GRIA1: variants seen among roughly 807,000 people sequenced by gnomAD.
GRIA1 encodes the protein glutamate receptor 1.
In GRIA1, 31 loss-of-function variants were observed where a neutral mutation model predicts 99.2. The observed-to-expected ratio is 0.31, with a 90% CI of 0.23 to 0.42. The LOEUF is 0.42. GRIA1 is among the 10% of genes least tolerant of loss of function. The pLI, the probability that GRIA1 is intolerant of heterozygous loss-of-function variation, is 1.00. For synonymous variants in GRIA1, 438 were observed against 432.4 expected (o/e 1.01, Z -0.16); for missense variants, 782 against 1,157.5 (o/e 0.68, Z 4.71).
At chr5:153,492,769 AG>A (rs758618332) in intron 1 of GRIA1, among the ~76,000 whole-genome samples, 1 of 150,640 alleles carries the variant, frequency 6.6e-6, no homozygotes, top group Non-Finnish European at 1.5e-5. Flanking sequence ...CAACTGATAA[AG>A]CCATTGCTAC....
chr5:153,751,389 T>C (rs2149589771), intron 11 of GRIA1, among the ~76,000 whole-genome samples: 1 of 152,348 alleles, frequency 6.6e-6, no homozygotes, highest in South Asian at 2.1e-4. Context: ...AGATCAAAGG[T>C]CTCTGATATT....
chr5:153,667,764 G>A (rs900443112), intron 5 of GRIA1, among the ~76,000 whole-genome samples: 1 of 152,088 alleles, frequency 6.6e-6, no homozygotes, highest in Non-Finnish European at 1.5e-5. Context: ...CATAATGATG[G>A]CCCAGAGCCT....
chr5:153,556,421 C>G (rs1430000322), intron 2 of GRIA1, among the ~76,000 whole-genome samples: 2 of 152,266 alleles, frequency 1.3e-5, no homozygotes, highest in East Asian at 3.9e-4. Context: ...TTCCCTGAAG[C>G]CTTTATAATC....
At chr5:153,759,560 TA>T (rs928805627) in intron 11 of GRIA1, among the ~76,000 whole-genome samples, 5 of 151,880 alleles carry the variant, frequency 3.3e-5, no homozygotes. Flanking sequence ...GAATCAGTAA[TA>T]AAAAGTCTCC....
At chr5:153,796,013 C>CTT (rs11426974) in intron 14 of GRIA1, among the ~76,000 whole-genome samples, 1,963 of 130,150 alleles carry the variant, frequency 0.015, 42 homozygotes, top group African/African-American at 0.045. Flanking sequence ...TTTTTTTTAA[C>CTT]TTTTTTTTTT....
chr5:153,654,872 C>T (rs1471599456), intron 4 of GRIA1, among the ~76,000 whole-genome samples: 1 of 152,154 alleles, frequency 6.6e-6, no homozygotes, highest in South Asian at 2.1e-4. Flanking sequence ...TGAGCTAGAT[C>T]TAAAACCAAG....
In GRIA1 at chr5:153,794,752, A is replaced by G. The variant is rs1362592304; in HGVS notation, c.2385+17A>G. 1 of 1,496,444 alleles carries G rather than the reference A, an allele frequency of 6.7e-7. No individual in the cohort carries two copies. The highest frequency in any genetic ancestry group is 2.3e-5 in the East Asian group (1 of 44,156). The allele number at this position is 1,496,444 out of a possible 1,614,324, so 92.7% of individuals were successfully genotyped here. A position where few individuals can be genotyped will look rare whatever the true frequency, so the allele number is the denominator to read the frequency against. On this transcript the variant is annotated intron_variant, in intron 14 of 15. Transcript: ENST00000285900. ...GATTCCAAGGTCAGCCCCAGTAAGA[A>G]AAAAAAAAACCTAGTGGGTATGAAA...
chr5:153,562,764 A>T (rs557051902), intron 2 of GRIA1, among the ~76,000 whole-genome samples: 1 of 152,344 alleles, frequency 6.6e-6, no homozygotes. Flanking sequence ...AGATATTAAA[A>T]TATCTCAAGG....
At chr5:153,667,838 TGTA>T (rs1173201183) in intron 5 of GRIA1, among the ~76,000 whole-genome samples, 1 of 152,258 alleles carries the variant, frequency 6.6e-6, no homozygotes, top group Non-Finnish European at 1.5e-5. Flanking sequence ...CCAATGTAGT[TGTA>T]GTGTTAAACA....
chr5:153,748,003 T>C (rs2149585601), intron 11 of GRIA1, among the ~76,000 whole-genome samples: 1 of 152,268 alleles, frequency 6.6e-6, no homozygotes, highest in East Asian at 1.9e-4. Context: ...GCACCTATTG[T>C]GTGCCAGGCA....
At chr5:153,807,432 T>C (rs1393339281) in intron 15 of GRIA1, among the ~76,000 whole-genome samples, 1 of 152,260 alleles carries the variant, frequency 6.6e-6, no homozygotes, top group East Asian at 1.9e-4. Context: ...CCTGTCCTGA[T>C]AAAAGAATGG....
At chr5:153,744,884 T>C (rs1003879179) in intron 11 of GRIA1, among the ~76,000 whole-genome samples, 6 of 152,154 alleles carry the variant, frequency 3.9e-5, no homozygotes, top group African/African-American at 7.2e-5. Flanking sequence ...ACAGGAAAAG[T>C]AGAGGAGTTC....
intron 11 of GRIA1, among the ~76,000 whole-genome samples, chr5:153,726,046 G>A (rs1760501989): frequency 6.6e-6 from 1 of 151,336 alleles, no homozygotes; most frequent in Non-Finnish European, 1.5e-5. Context: ...CTGTCTCTCA[G>A]ACCACAGTGC....
intron 11 of GRIA1, among the ~76,000 whole-genome samples, chr5:153,749,535 A>G (rs1381997003): frequency 6.6e-6 from 1 of 152,170 alleles, no homozygotes; most frequent in African/African-American, 2.4e-5. Context: ...AGGGAGAAAG[A>G]GAGAGGAAGA....
chr5:153,764,274 T>C (rs1763369625), intron 11 of GRIA1, among the ~76,000 whole-genome samples, 160 bp from the exon 12 acceptor site: 1 of 152,172 alleles, frequency 6.6e-6, no homozygotes, highest in African/African-American at 2.4e-5. Flanking sequence ...ATGGAGTCTC[T>C]CTAACAACAT....
At chr5:153,733,992 C>G (rs1297401635) in intron 11 of GRIA1, among the ~76,000 whole-genome samples, 1 of 152,198 alleles carries the variant, frequency 6.6e-6, no homozygotes, top group Non-Finnish European at 1.5e-5. Context: ...TTGAACTACA[C>G]TTTATACCAA....
intron 2 of GRIA1, among the ~76,000 whole-genome samples, chr5:153,497,977 C>T (rs1003448285): frequency 6.6e-6 from 1 of 152,014 alleles, no homozygotes; most frequent in Non-Finnish European, 1.5e-5. Flanking sequence ...TTGAATTGAG[C>T]CTCAACGATA....
intron 14 of GRIA1, among the ~76,000 whole-genome samples, chr5:153,801,201 C>T (rs1310238662): frequency 5.3e-5 from 8 of 152,220 alleles, no homozygotes; most frequent in Non-Finnish European, 2.9e-5. Flanking sequence ...GTTCTCACCA[C>T]TTGGGAAGGT....
In GRIA1 at chr5:153,706,127, T is replaced by C. The variant is rs760029261; in HGVS notation, c.1823+60T>C. 20 of 1,503,098 alleles carry C rather than the reference T, an allele frequency of 1.3e-5. No individual in the cohort carries two copies. In the South Asian group the frequency reaches 2.2e-4, roughly 17 times the overall value. The allele number at this position is 1,503,098 out of a possible 1,614,324, so 93.1% of individuals were successfully genotyped here. On this transcript the variant is annotated intron_variant, in intron 11 of 15. Coordinates refer to ENST00000285900, the MANE Select transcript of GRIA1 (RefSeq NM_000827.4). The stretch of plus-strand genomic sequence containing the variant: ...CTATGGTTTTGTTTGTTTGTTTGTT[T>C]GTTTGTTTTTTAAATACTGAAAAGT...
Sources: allele counts gnomAD v4.1 joint callset (sites outside exome capture counted in the v4.1 genomes callset), GRCh38; gene constraint gnomAD v4.1.1; transcripts MANE v1.5; gene names NCBI Gene and HGNC (gene_info 2026-07-23, HGNC 2026-07-21).